Variants in TMBIM1 observed in about 807,000 individuals in gnomAD.
The protein encoded by TMBIM1 is protein lifeguard 3.
Under a neutral mutation model 45.1 loss-of-function variants are expected in TMBIM1, and 34 were observed. The ratio of observed to expected loss-of-function variants is 0.75; its 90% CI spans 0.57 to 1.00. TMBIM1 has a LOEUF of 1.00. TMBIM1 is among the 50% of genes least tolerant of loss of function. The pLI is 0.00. For synonymous variants in TMBIM1, 157 were observed against 153.5 expected (o/e 1.02, Z -0.17); for missense variants, 374 against 402.4 (o/e 0.93, Z 0.60).
Position 218,277,379 on chromosome 2 carries a change from CAGA to C in TMBIM1, c.623_625del (p.Phe208del). The C allele has an allele frequency of 6.2e-7, 1 of 1,614,132 alleles. No homozygotes were observed. Among genetic ancestry groups the C allele is most frequent in the Non-Finnish European group, 8.5e-7 (1 of 1,180,018 alleles). ...CCATGCCCTCACCTTGGTCTGAAAG[CAGA>C]AGATGGTGACTGAAATGGATACCAC... On this transcript the variant is annotated inframe_deletion, in exon 9 of 12. Coordinates refer to ENST00000258412, the MANE Select transcript of TMBIM1 (RefSeq NM_022152.6).
At position 218,279,342 on chromosome 2, in the gene TMBIM1, G is replaced by A. The variant is rs200268097; in HGVS notation, c.315C>T (p.Ile105=). ...CAGTGATGAGCAGCTGCACGGAGAT[G>A]ATGGAGTAAACCTGGACACAGACGG... ...RHTFIRKVYS[I]ISVQLLITVA... Residue 105 remains isoleucine (I), a synonymous_variant, in exon 4 of 12, where the codon ATC becomes ATT. Coordinates refer to ENST00000258412, the MANE Select transcript of TMBIM1 (RefSeq NM_022152.6). 1.3e-6 allele frequency: 2 copies of A among 1,583,556 alleles called. No homozygotes were observed. Among genetic ancestry groups the A allele is most frequent in the South Asian group, 2.3e-5 (2 of 86,328 alleles).
chr2:218,277,565 C>A (rs1052873586), intron 8 of TMBIM1, 68 bp downstream of exon 8: 2 of 1,610,160 alleles, frequency 1.2e-6, no homozygotes, highest in African/African-American at 2.7e-5. Flanking sequence ...AGCTGGCTGC[C>A]GGCCCAGGAA....
intron 1 of TMBIM1, among the ~76,000 whole-genome samples, chr2:218,287,980 G>A (rs1228695829): frequency 2.0e-5 from 3 of 152,244 alleles, no homozygotes; most frequent in African/African-American, 7.2e-5. Flanking sequence ...ACAGATAAGG[G>A]AAGAGGAAGC....
chr2:218,278,904 G>A (rs1691553212), intron 5 of TMBIM1, 134 bp downstream of exon 5: 6 of 994,378 alleles, frequency 6.0e-6, no homozygotes. Context: ...ACACCCTCTG[G>A]CACGGGAAAC....
intron 4 of TMBIM1, 39 bp downstream of exon 4, chr2:218,279,250 C>G (rs1403880379): frequency 1.3e-6 from 2 of 1,564,098 alleles, no homozygotes; most frequent in Non-Finnish European, 1.7e-6. Flanking sequence ...CCTGAACCCC[C>G]AGGGCAGTAG....
intron 1 of TMBIM1, among the ~76,000 whole-genome samples, chr2:218,291,926 G>T (rs1400331641): frequency 6.6e-6 from 1 of 152,010 alleles, no homozygotes; most frequent in Non-Finnish European, 1.5e-5. Flanking sequence ...TTCTGCCCCA[G>T]CTGCAAGCTA....
At chr2:218,291,780 G>A (rs1376111919) in intron 1 of TMBIM1, among the ~76,000 whole-genome samples, 1 of 151,982 alleles carries the variant, frequency 6.6e-6, no homozygotes, top group African/African-American at 2.4e-5. Flanking sequence ...AAGAAGTCAC[G>A]AGGAGGATGT....
chr2:218,289,625 GAA>G (rs10675061), intron 1 of TMBIM1, among the ~76,000 whole-genome samples: 1 of 87,788 alleles, frequency 1.1e-5, no homozygotes, highest in African/African-American at 4.5e-5. Flanking sequence ...CTGGGCGACA[GAA>G]AAAAAAAAAA....
At chr2:218,281,140 G>GTTTTTTTTTTTTT (rs368774492) in intron 2 of TMBIM1, 3 of 113,718 alleles carry the variant, frequency 2.6e-5, no homozygotes, top group East Asian at 2.4e-4. Context: ...TTTTTTTTTT[G>GTTTTTTTTTTTTT]GTTTTTTTTT....
At chr2:218,284,484 A>G (rs1293420709) in intron 1 of TMBIM1, among the ~76,000 whole-genome samples, 1 of 152,268 alleles carries the variant, frequency 6.6e-6, no homozygotes, top group African/African-American at 2.4e-5. Flanking sequence ...GAGAAGGGTC[A>G]GCCTCGGATG....
At chr2:218,277,564 C>T (rs1691352605) in intron 8 of TMBIM1, 69 bp downstream of exon 8, 1 of 1,610,114 alleles carries the variant, frequency 6.2e-7, no homozygotes, top group South Asian at 1.1e-5. Flanking sequence ...CAGCTGGCTG[C>T]CGGCCCAGGA....
chr2:218,292,068 T>C (rs1161155290), intron 1 of TMBIM1, among the ~76,000 whole-genome samples: 1 of 151,846 alleles, frequency 6.6e-6, no homozygotes, highest in Admixed American at 6.6e-5. Flanking sequence ...TCTCACCAGC[T>C]GAGGGCCATG....
At chr2:218,282,351 C>T in intron 1 of TMBIM1, 170 bp from the exon 2 acceptor site, 1 of 487,438 alleles carries the variant, frequency 2.1e-6, no homozygotes, top group Non-Finnish European at 3.6e-6. Context: ...TCCCCACCAA[C>T]TGGGCTCCTG....
At chr2:218,282,683 TG>T (rs1692143107) in intron 1 of TMBIM1, among the ~76,000 whole-genome samples, 1 of 152,028 alleles carries the variant, frequency 6.6e-6, no homozygotes, top group African/African-American at 2.4e-5. Context: ...AGGCTCAAAG[TG>T]GAGAGCCGGG....
chr2:218,282,562 A>C (rs1019794146), intron 1 of TMBIM1, among the ~76,000 whole-genome samples: 1 of 152,254 alleles, frequency 6.6e-6, no homozygotes, highest in African/African-American at 2.4e-5. Flanking sequence ...GGCCAGGCAC[A>C]GCCTCCTGGC....
At chr2:218,277,534 C>A in intron 8 of TMBIM1, 81 bp from the exon 9 acceptor site, 1 of 1,606,390 alleles carries the variant, frequency 6.2e-7, no homozygotes. Flanking sequence ...CAGAGGGGAC[C>A]TGCCCAGAAT....
intron 10 of TMBIM1, among the ~76,000 whole-genome samples, chr2:218,276,649 A>C (rs1691243442): frequency 6.6e-6 from 1 of 151,448 alleles, no homozygotes; most frequent in South Asian, 2.1e-4. Context: ...AGACCCCCGC[A>C]AGGTCCCTTC....
At position 218,277,369 on chromosome 2, in the gene TMBIM1, G is replaced by A. The variant is rs748414639; in HGVS notation, c.636C>T (p.Thr212=). The part of the protein sequence containing the change: ...SISVTIFCFQ[T]KVDFTSCTGL... Reference sequence around the variant, plus strand: ...GAAGGGCCCTCCATGCCCTCACCTTGGTCTGAAAGCAGAAGATGGTGACTG... The same window carrying A: ...GAAGGGCCCTCCATGCCCTCACCTTAGTCTGAAAGCAGAAGATGGTGACTG... Residue 212 remains threonine, a synonymous_variant, in exon 9 of 12, where the codon ACC becomes ACT. Coordinates refer to ENST00000258412, the MANE Select transcript of TMBIM1 (RefSeq NM_022152.6). 2 of 1,613,864 alleles carry A rather than the reference G, an allele frequency of 1.2e-6. No individual in the cohort carries two copies. The highest frequency in any genetic ancestry group is 1.7e-6 in the Non-Finnish European group (2 of 1,179,894).
rs2271542 is a variant in TMBIM1 at position 218,274,587 on chromosome 2, C to T, written c.*888G>A. The T allele has an allele frequency of 0.011, 1,651 of 155,424 alleles. 67 individuals carry two copies. The highest frequency in any genetic ancestry group is 0.078 in the Admixed American group (1,201 of 15,302). 9.6% of individuals were successfully genotyped at this position (155,424 alleles called of 1,614,324 possible). ...CCCCAGGCATTCTCCCTGCCCGCAC[C>T]GAGTCTCTCTTCACCCTGGCTACTT... On this transcript the variant is annotated 3_prime_UTR_variant, in exon 12 of 12. Coordinates refer to ENST00000258412, the MANE Select transcript of TMBIM1 (RefSeq NM_022152.6).
Sources: gnomAD v4.1 joint callset for allele counts (sites outside exome capture counted in the v4.1 genomes callset) on GRCh38, gnomAD v4.1.1 for gene constraint, MANE v1.5 for transcripts, NCBI Gene and HGNC (gene_info 2026-07-23, HGNC 2026-07-21) for gene names.